ITSN1: variants seen among roughly 807,000 people sequenced by gnomAD.
ITSN1 encodes intersectin-1.
ITSN1 carries 58 observed loss-of-function variants against 239.8 expected under a neutral mutation model. That is an observed-to-expected ratio of 0.24 (90% CI 0.20 to 0.30). The LOEUF is 0.30. Ranked by LOEUF, ITSN1 falls within the 10% of genes least tolerant of loss-of-function variation. The probability of loss-of-function intolerance (pLI) is 1.00; values close to 1 mark genes in which losing one functional copy is unlikely to be tolerated. For synonymous variants in ITSN1, 780 were observed against 770.8 expected (o/e 1.01, Z -0.20); for missense variants, 1,558 against 2,103.3 (o/e 0.74, Z 5.07).
Position 33,797,447 on chromosome 21 carries a change from G to C in ITSN1, c.2021G>C (p.Arg674Thr). The C allele has an allele frequency of 6.2e-7, 1 of 1,614,050 alleles. No homozygotes were observed. Among genetic ancestry groups the C allele is most frequent in the Non-Finnish European group, 8.5e-7 (1 of 1,180,014 alleles). The change falls in exon 18 of 40, where the codon AGA (arginine) becomes ACA (threonine). Residue 674 changes from arginine to threonine, a missense_variant. Physicochemically the swap from Arg to Thr is moderately conservative, Grantham distance 71. Transcript: ENST00000381318. This position sits in a 1 kb window ranked among gnomAD's most constrained non-coding sequence, Gnocchi z 4.9. The part of the protein sequence containing the change: ...VQQEDEHQRP[R>T]KLHEEEKLKR... The stretch of plus-strand genomic sequence containing the variant: ...CAGGAGGACGAGCATCAGAGACCAA[G>C]AAAACTCCACGAAGAGGAAAAACTG...
chr21:33,862,078 G>A (rs1399735034), intron 31 of ITSN1, among the ~76,000 whole-genome samples: 1 of 139,798 alleles, frequency 7.2e-6, no homozygotes, highest in East Asian at 2.3e-4. Context: ...CAGAAGAATT[G>A]CTTGAACCCG....
intron 1 of ITSN1, among the ~76,000 whole-genome samples, chr21:33,716,134 G>T (rs556452677): frequency 6.6e-6 from 1 of 152,256 alleles, no homozygotes; most frequent in African/African-American, 2.4e-5. Flanking sequence ...GATATCTTGA[G>T]AGAGTTCCTT....
At chr21:33,715,269 A>C (rs2065068619) in intron 1 of ITSN1, among the ~76,000 whole-genome samples, 4 of 66 alleles carry the variant, frequency 0.061, no homozygotes, top group African/African-American at 0.17. Context: ...AGGTCTAGGA[A>C]ATCTAAAGAG....
chr21:33,849,221 G>T (rs770681206), intron 29 of ITSN1, among the ~76,000 whole-genome samples: 5 of 152,102 alleles, frequency 3.3e-5, no homozygotes, highest in Non-Finnish European at 7.3e-5. Flanking sequence ...CTGGGTAACA[G>T]AGCAAGACTC....
rs575111602 is a variant in ITSN1, at chr21:33,749,083, G to A, written c.347-1060G>A. Among the ~76,000 whole-genome samples the A allele has an allele frequency of 4.0e-5, 6 of 150,622 alleles. No individual in the cohort carries two copies. In the South Asian group the frequency reaches 6.3e-4, roughly 16 times the overall value. ...GGCTCACTGTAGCCTCAACCTCTTC[G>A]GCATAAGTGATCCTCCCACCTCAGC... On this transcript the variant is annotated intron_variant, in intron 5 of 39. Coordinates refer to ENST00000381318, the MANE Select transcript of ITSN1 (RefSeq NM_003024.3).
At chr21:33,686,426 T>G (rs555045624) in intron 1 of ITSN1, among the ~76,000 whole-genome samples, 1 of 152,312 alleles carries the variant, frequency 6.6e-6, no homozygotes, top group South Asian at 2.1e-4. Flanking sequence ...AAGTTTTTCA[T>G]AGCTGGAATG....
chr21:33,876,096 T>C (rs201913383), intron 34 of ITSN1, among the ~76,000 whole-genome samples: 1 of 111,534 alleles, frequency 9.0e-6, no homozygotes, highest in Non-Finnish European at 2.0e-5. Flanking sequence ...CCTCTTTCTT[T>C]CTTTCCTTCT....
intron 1 of ITSN1, among the ~76,000 whole-genome samples, chr21:33,655,203 G>A (rs901441126): frequency 2.6e-5 from 4 of 151,984 alleles, no homozygotes; most frequent in African/African-American, 4.8e-5. Flanking sequence ...GTTTTAAACC[G>A]GTGTAGATCT....
At chr21:33,806,753 G>A (rs1238079864) in intron 20 of ITSN1, among the ~76,000 whole-genome samples, 2 of 152,206 alleles carry the variant, frequency 1.3e-5, no homozygotes, top group African/African-American at 2.4e-5. Context: ...AAATGAAATT[G>A]TATTGAGACC....
chr21:33,689,013 G>A (rs917426991), intron 1 of ITSN1, among the ~76,000 whole-genome samples: 2 of 152,010 alleles, frequency 1.3e-5, no homozygotes, highest in African/African-American at 4.8e-5. Flanking sequence ...GGGTTTCACC[G>A]TCTTGGCTAG....
intron 17 of ITSN1, 123 bp downstream of exon 17, chr21:33,794,591 AGT>A: frequency 7.8e-7 from 1 of 1,289,034 alleles, no homozygotes; most frequent in Non-Finnish European, 1.1e-6. Context: ...GTGCATGTGA[AGT>A]GTGAGTGCAA....
intron 33 of ITSN1, 97 bp from the exon 34 acceptor site, chr21:33,875,257 G>C: frequency 7.3e-7 from 1 of 1,363,612 alleles, no homozygotes; most frequent in Non-Finnish European, 1.0e-6. Flanking sequence ...TGAAAGGATG[G>C]TGCCCTGCCC....
intron 14 of ITSN1, 25 bp from the exon 15 acceptor site, chr21:33,781,436 T>G (rs1476671966): frequency 7.6e-7 from 1 of 1,311,836 alleles, no homozygotes; most frequent in Non-Finnish European, 1.1e-6. Flanking sequence ...TGTCATTCAT[T>G]ACTATTTTCC....
At chr21:33,643,915 C>T (rs2087689428) in intron 1 of ITSN1, 1 of 152,214 alleles carries the variant, frequency 6.6e-6, no homozygotes, top group South Asian at 2.1e-4. Context: ...TTTTGCTAAT[C>T]CCGTGGAACG....
At chr21:33,878,028 G>A (rs1053509692) in intron 34 of ITSN1, among the ~76,000 whole-genome samples, 3 of 151,148 alleles carry the variant, frequency 2.0e-5, no homozygotes, top group African/African-American at 7.3e-5. Flanking sequence ...GTGTGTGTGT[G>A]TGTGTGTGTG....
intron 8 of ITSN1, among the ~76,000 whole-genome samples, chr21:33,761,651 T>C (rs2068335312): frequency 1.3e-5 from 2 of 152,210 alleles, no homozygotes; most frequent in South Asian, 4.1e-4. Context: ...GGTTATATTT[T>C]GAAACTCTAA....
At chr21:33,844,954 C>T (rs1207620839) in intron 29 of ITSN1, among the ~76,000 whole-genome samples, 1 of 152,076 alleles carries the variant, frequency 6.6e-6, no homozygotes, top group East Asian at 1.9e-4. Context: ...TCTCCTCTCC[C>T]CGCCTCCTGC....
chr21:33,697,390 C>T (rs1004058280), intron 1 of ITSN1, among the ~76,000 whole-genome samples: 2 of 151,994 alleles, frequency 1.3e-5, no homozygotes, highest in Middle Eastern at 3.4e-3. Flanking sequence ...CCTAGATTAT[C>T]TCTTCTTTAG....
rs775748670 is a variant in ITSN1 at position 33,885,175 on chromosome 21, C to T, written c.4759+52C>T. On this transcript the variant is annotated intron_variant, in intron 37 of 39. Transcript: ENST00000381318. Reference sequence around the variant, plus strand: ...TGCACAGCTGGGCAGGAGGGAGGGCCATTTGGCTGGGCTGAAAATCCTCAG... The same window carrying T: ...TGCACAGCTGGGCAGGAGGGAGGGCTATTTGGCTGGGCTGAAAATCCTCAG... 12 of 1,464,780 alleles carry T rather than the reference C, an allele frequency of 8.2e-6. No homozygotes were observed. The South Asian group carries it at 1.4e-4, about 17-fold the overall frequency. The allele number at this position is 1,464,780 out of a possible 1,614,324, so 90.7% of individuals were successfully genotyped here.
Sources: gnomAD v4.1 joint callset for allele counts (sites outside exome capture counted in the v4.1 genomes callset) on GRCh38, gnomAD v4.1.1 for gene constraint, Gnocchi (gnomAD v3.1) non-coding constraint, MANE v1.5 for transcripts, NCBI Gene and HGNC (gene_info 2026-07-23, HGNC 2026-07-21) for gene names.